The following PACRG variants were observed in gnomAD, a reference collection of about 807,000 sequenced individuals.
The protein encoded by PACRG is parkin coregulated.
PACRG carries 29 observed loss-of-function variants against 29.7 expected under a neutral mutation model. The observed-to-expected ratio is 0.98, with a 90% CI of 0.73 to 1.33. The LOEUF (loss-of-function observed/expected upper bound fraction) is 1.33, where lower values mean the gene tolerates loss of function less well. Ranked by LOEUF, PACRG falls within the 40% of genes most tolerant of loss-of-function variation. The pLI, the probability that PACRG is intolerant of heterozygous loss-of-function variation, is 0.00. For synonymous variants in PACRG, 116 were observed against 118.7 expected (o/e 0.98, Z 0.15); for missense variants, 279 against 316.2 (o/e 0.88, Z 0.89).
chr6:162,940,914 T>A (rs559968200), intron 2 of PACRG, among the ~76,000 whole-genome samples: 35 of 152,306 alleles, frequency 2.3e-4, no homozygotes, highest in African/African-American at 8.2e-4. Context: ...GTATCAGAGC[T>A]CAGAATTTGT....
At chr6:162,786,723 G>GTT (rs34982424) in intron 1 of PACRG, among the ~76,000 whole-genome samples, 39,095 of 147,980 alleles carry the variant, frequency 0.26, 5,710 homozygotes, top group East Asian at 0.47. Context: ...ATAGCAAGTG[G>GTT]TTTTTTTTTT....
chr6:163,272,827 T>C (rs1490357650), intron 4 of PACRG, among the ~76,000 whole-genome samples: 2 of 151,816 alleles, frequency 1.3e-5, no homozygotes, highest in African/African-American at 2.4e-5. Flanking sequence ...AATGTATGAA[T>C]AGAATTCATA....
chr6:162,741,825 C>G (rs1447331014), intron 1 of PACRG, among the ~76,000 whole-genome samples: 1 of 152,154 alleles, frequency 6.6e-6, no homozygotes, highest in African/African-American at 2.4e-5. Flanking sequence ...GGAAAGAAAA[C>G]TAAATGTGTG....
intron 2 of PACRG, among the ~76,000 whole-genome samples, chr6:162,907,596 T>C (rs1796018214): frequency 6.6e-6 from 1 of 152,146 alleles, no homozygotes; most frequent in African/African-American, 2.4e-5. Flanking sequence ...ATTTCATTTA[T>C]TTTAATCTAC....
Position 162,731,495 on chromosome 6 carries a change from A to G in PACRG, c.156+3104A>G, listed in dbSNP as rs187557161. Among the ~76,000 whole-genome samples, 17 of 152,258 alleles carry G rather than the reference A, an allele frequency of 1.1e-4. No individual in the cohort carries two copies. The East Asian group carries it at 2.9e-3, about 26-fold the overall frequency. ...ATTATAAGTAATATAGACATGATTT[A>G]AAGTATATAGGTAGAAATGTGTAGG... is the stretch of plus-strand genomic sequence containing the variant. On this transcript the variant is annotated intron_variant, in intron 1 of 4. Transcript: ENST00000366888.
intron 2 of PACRG, among the ~76,000 whole-genome samples, chr6:162,856,819 C>A (rs1562668945): frequency 6.6e-6 from 1 of 152,208 alleles, no homozygotes; most frequent in Non-Finnish European, 1.5e-5. Context: ...TCTGAAGACA[C>A]AGCACTACTC....
chr6:162,906,830 A>C (rs1321637990), intron 2 of PACRG, among the ~76,000 whole-genome samples: 2 of 152,238 alleles, frequency 1.3e-5, no homozygotes, highest in African/African-American at 4.8e-5. Context: ...ATTTCACTGA[A>C]AACAATGATC....
chr6:163,153,410 A>G lies in PACRG; in HGVS notation c.613+64002A>G, dbSNP rs552379615. Among the ~76,000 whole-genome samples, 62 of 152,284 alleles carry G rather than the reference A, an allele frequency of 4.1e-4. No homozygotes were observed. In the South Asian group the frequency reaches 0.013, roughly 32 times the overall value. On this transcript the variant is annotated intron_variant, in intron 4 of 4. Coordinates refer to ENST00000366888, the MANE Select transcript of PACRG (RefSeq NM_001080379.2). ...TCAACTGGGGAGATTTATATTTTAG[A>G]TATGTTTTTATTAAAATGCTCCTTT...
chr6:163,197,358 C>T (rs1430684524), intron 4 of PACRG, among the ~76,000 whole-genome samples: 1 of 151,398 alleles, frequency 6.6e-6, no homozygotes, highest in Non-Finnish European at 1.5e-5. Flanking sequence ...AATGCTTGCT[C>T]TAGAGGTGTG....
intron 2 of PACRG, among the ~76,000 whole-genome samples, chr6:162,875,312 CACAG>C (rs1350815694): frequency 1.3e-5 from 2 of 151,728 alleles, no homozygotes; most frequent in African/African-American, 2.4e-5. Flanking sequence ...CACAGACATG[CACAG>C]ACATTCACAC....
chr6:162,872,848 A>T lies in PACRG; in HGVS notation c.291+58567A>T, dbSNP rs922765897. Reference sequence around the variant, plus strand: ...AGTTTGCATAAAGAGACATGAATAGAGTTTCAGGGAATGAGCGCTCATAGG... The same window carrying T: ...AGTTTGCATAAAGAGACATGAATAGTGTTTCAGGGAATGAGCGCTCATAGG... On this transcript the variant is annotated intron_variant, in intron 2 of 4. Coordinates refer to ENST00000366888, the MANE Select transcript of PACRG (RefSeq NM_001080379.2). Among the ~76,000 whole-genome samples the T allele has an allele frequency of 2.6e-5, 4 of 152,098 alleles. No homozygotes were observed. The East Asian group carries it at 5.8e-4, about 22-fold the overall frequency.
intron 3 of PACRG, among the ~76,000 whole-genome samples, chr6:163,076,346 C>T (rs114688823): frequency 2.5e-4 from 38 of 152,274 alleles, no homozygotes; most frequent in African/African-American, 9.1e-4. Context: ...TCAGTTTACA[C>T]CCTCTGCGAG....
upstream of PACRG, chr6:162,727,532 A>G (rs2128242997): frequency 1.9e-6 from 2 of 1,038,266 alleles, no homozygotes; most frequent in Non-Finnish European, 2.8e-6. Context: ...CGGGCCGGGG[A>G]CGGCACGGGC....
At chr6:163,268,889 A>G (rs13192267) in intron 4 of PACRG, among the ~76,000 whole-genome samples, 33,747 of 152,172 alleles carry the variant, frequency 0.22, 4,168 homozygotes, top group Middle Eastern at 0.32. Context: ...GGAAACACCA[A>G]AATGATGTGC....
chr6:163,095,012 A>C (rs1036057305), intron 4 of PACRG, among the ~76,000 whole-genome samples: 1 of 152,154 alleles, frequency 6.6e-6, no homozygotes, highest in African/African-American at 2.4e-5. Context: ...AAAATCTTTG[A>C]GGATGGGGAG....
At chr6:163,125,941 G>A (rs1479111602) in intron 4 of PACRG, among the ~76,000 whole-genome samples, 1 of 152,164 alleles carries the variant, frequency 6.6e-6, no homozygotes, top group Non-Finnish European at 1.5e-5. Context: ...TAGGAAAAAG[G>A]AGCACAGTTT....
chr6:163,297,654 T>A (rs73603730), intron 4 of PACRG, among the ~76,000 whole-genome samples: 1,928 of 152,262 alleles, frequency 0.013, 35 homozygotes, highest in African/African-American at 0.044. Flanking sequence ...AATGTTTACA[T>A]TGAACAAATT....
intron 4 of PACRG, among the ~76,000 whole-genome samples, chr6:163,198,247 T>C (rs1226673785): frequency 6.6e-6 from 1 of 152,246 alleles, no homozygotes; most frequent in Non-Finnish European, 1.5e-5. Flanking sequence ...ATTATGAGAA[T>C]TTTACTTCTC....
chr6:163,175,305 C>T (rs935328801), intron 4 of PACRG, among the ~76,000 whole-genome samples: 1 of 152,082 alleles, frequency 6.6e-6, no homozygotes, highest in Non-Finnish European at 1.5e-5. Context: ...GGGGTGGAGC[C>T]ATCTGTTTGG....
Sources: allele counts gnomAD v4.1 joint callset (sites outside exome capture counted in the v4.1 genomes callset), GRCh38; gene constraint gnomAD v4.1.1; transcripts MANE v1.5; gene names NCBI Gene and HGNC (gene_info 2026-07-23, HGNC 2026-07-21).